ADGRL2: variants seen among roughly 807,000 people sequenced by gnomAD.
The protein encoded by ADGRL2 is calcium-independent alpha-latrotoxin receptor 2.
A neutral mutation model predicts 157.4 loss-of-function variants in ADGRL2; 44 were observed. That is an observed-to-expected ratio of 0.28 (90% CI 0.22 to 0.36). The LOEUF (loss-of-function observed/expected upper bound fraction) is 0.36. ADGRL2 is among the 10% of genes least tolerant of loss of function. The pLI, the probability that ADGRL2 is intolerant of heterozygous loss-of-function variation, is 1.00. For synonymous variants in ADGRL2, 585 were observed against 624.7 expected (o/e 0.94, Z 0.95); for missense variants, 1,510 against 1,768.9 (o/e 0.85, Z 2.63).
At chr1:81,415,909 C>G (rs535518434) in intron 1 of ADGRL2, among the ~76,000 whole-genome samples, 56 of 150,850 alleles carry the variant, frequency 3.7e-4, no homozygotes, top group African/African-American at 1.3e-3. Context: ...GGTGCGATCT[C>G]AGCTCACTGC....
chr1:81,727,868 AC>A (rs541658078), intron 1 of ADGRL2, among the ~76,000 whole-genome samples: 85 of 152,048 alleles, frequency 5.6e-4, no homozygotes, highest in African/African-American at 1.8e-3. Context: ...AAGGTTATGG[AC>A]TTTTTTTAAC....
intron 1 of ADGRL2, among the ~76,000 whole-genome samples, chr1:81,436,580 A>G (rs1469273614): frequency 6.6e-6 from 1 of 152,194 alleles, no homozygotes; most frequent in Non-Finnish European, 1.5e-5. Flanking sequence ...GTATTAATCA[A>G]TAGAAGGTGA....
intron 1 of ADGRL2, among the ~76,000 whole-genome samples, chr1:81,382,374 C>G (rs541807049): frequency 6.6e-6 from 1 of 152,106 alleles, no homozygotes; most frequent in African/African-American, 2.4e-5. Context: ...AAAATAATAA[C>G]AATCTGAATG....
chr1:81,528,623 G>A (rs1290433565), intron 2 of ADGRL2, among the ~76,000 whole-genome samples: 3 of 133,974 alleles, frequency 2.2e-5, no homozygotes, highest in Admixed American at 8.2e-5. Flanking sequence ...GTCCGGCCTG[G>A]GCAAAAAAGT....
intron 1 of ADGRL2, among the ~76,000 whole-genome samples, chr1:81,390,586 G>A (rs1415850558): frequency 1.3e-5 from 2 of 151,920 alleles, no homozygotes; most frequent in African/African-American, 4.8e-5. Flanking sequence ...CCTATCATTT[G>A]TTTCAATTTA....
intron 3 of ADGRL2, among the ~76,000 whole-genome samples, chr1:81,677,430 G>T (rs2083020057): frequency 6.6e-6 from 1 of 152,154 alleles, no homozygotes; most frequent in Non-Finnish European, 1.5e-5. Context: ...CATTGCTATG[G>T]TAAGATTCGA....
At chr1:81,511,583 G>A (rs1388878758) in intron 2 of ADGRL2, among the ~76,000 whole-genome samples, 1 of 151,982 alleles carries the variant, frequency 6.6e-6, no homozygotes, top group Non-Finnish European at 1.5e-5. Flanking sequence ...TCTTTGTGTA[G>A]GGGGAAAGAA....
chr1:81,676,883 G>T (rs945893659), intron 3 of ADGRL2, among the ~76,000 whole-genome samples: 1 of 149,944 alleles, frequency 6.7e-6, no homozygotes, highest in African/African-American at 2.5e-5. Flanking sequence ...TAGAGACAGG[G>T]TTTTATTGTG....
At chr1:81,400,901 G>T (rs1259488230) in intron 1 of ADGRL2, among the ~76,000 whole-genome samples, 1 of 152,152 alleles carries the variant, frequency 6.6e-6, no homozygotes, top group African/African-American at 2.4e-5. Context: ...GTTTCCCAGG[G>T]ATGTGAGGTA....
intron 10 of ADGRL2, 126 bp downstream of exon 10, chr1:81,953,151 G>A: frequency 1.4e-6 from 1 of 707,202 alleles, no homozygotes; most frequent in Non-Finnish European, 2.4e-6. Context: ...CATATCAGCT[G>A]TACAAATGTT....
chr1:81,499,231 C>T (rs183941821), intron 2 of ADGRL2, among the ~76,000 whole-genome samples: 157 of 152,350 alleles, frequency 1.0e-3, no homozygotes, highest in African/African-American at 3.8e-3. Flanking sequence ...GTCCAATAAA[C>T]CATTGTGGGC....
chr1:81,586,784 CACTTTCTCCTT>C (rs1336629747), intron 3 of ADGRL2, among the ~76,000 whole-genome samples: 1 of 152,024 alleles, frequency 6.6e-6, no homozygotes, highest in Non-Finnish European at 1.5e-5. Flanking sequence ...AATTTTCTCT[CACTTTCTCCTT>C]ACTTCCTACC....
intron 2 of ADGRL2, among the ~76,000 whole-genome samples, chr1:81,853,897 C>A (rs1316971752): frequency 6.6e-6 from 1 of 152,044 alleles, no homozygotes; most frequent in Non-Finnish European, 1.5e-5. Flanking sequence ...AGTATTTGAG[C>A]AGTATGCTCA....
intron 1 of ADGRL2, among the ~76,000 whole-genome samples, chr1:81,719,112 A>G (rs2084211842): frequency 6.6e-6 from 1 of 152,274 alleles, no homozygotes. Context: ...GAGATCCCAG[A>G]GCAAACTGTG....
At chr1:81,435,155 A>C (rs1281942176) in intron 1 of ADGRL2, among the ~76,000 whole-genome samples, 1 of 152,252 alleles carries the variant, frequency 6.6e-6, no homozygotes, top group Non-Finnish European at 1.5e-5. Context: ...ATATTAAAAT[A>C]AAATTACATT....
chr1:81,642,664 G>A (rs2082243812), intron 3 of ADGRL2, among the ~76,000 whole-genome samples: 1 of 152,006 alleles, frequency 6.6e-6, no homozygotes, highest in Non-Finnish European at 1.5e-5. Context: ...CATGAACCAA[G>A]ATGCAAAAAT....
intron 3 of ADGRL2, among the ~76,000 whole-genome samples, chr1:81,690,880 T>G (rs1424601679): frequency 6.6e-6 from 1 of 152,240 alleles, no homozygotes; most frequent in East Asian, 1.9e-4. Context: ...GTTTGTAATC[T>G]AAACCTTATT....
chr1:81,978,940 T>A (rs1465360926), intron 17 of ADGRL2, among the ~76,000 whole-genome samples: 3 of 151,614 alleles, frequency 2.0e-5, no homozygotes, highest in African/African-American at 7.3e-5. Context: ...TAAAAAGTAA[T>A]CTAAAAATAA....
chr1:81,869,139 C>A (rs1483389266), intron 2 of ADGRL2, among the ~76,000 whole-genome samples: 3 of 152,014 alleles, frequency 2.0e-5, no homozygotes, highest in African/African-American at 7.2e-5. Context: ...GTTTGTGCAA[C>A]CTGGATGAAT....
Sources: gnomAD v4.1 joint callset for allele counts (sites outside exome capture counted in the v4.1 genomes callset) on GRCh38, gnomAD v4.1.1 for gene constraint, MANE v1.5 for transcripts, NCBI Gene and HGNC (gene_info 2026-07-23, HGNC 2026-07-21) for gene names.